The following SLC22A25 variants were observed in gnomAD, a reference collection of about 807,000 sequenced individuals.
The protein encoded by SLC22A25 is MGI:2442751, MGI:2385316, MGI:3042283, MGI:3645714, MGI:3605624, MGI:2442750.
A neutral mutation model predicts 45.9 loss-of-function variants in SLC22A25; 44 were observed. That is an observed-to-expected ratio of 0.96 (90% CI 0.75 to 1.23). The LOEUF is 1.23. Among genes scored for constraint, SLC22A25 ranks in the 50% most tolerant of loss-of-function variants. The probability of loss-of-function intolerance (pLI) is 0.00; values close to 1 mark genes in which losing one functional copy is unlikely to be tolerated. For missense variants in SLC22A25, 800 were observed against 666.4 expected (o/e 1.20, Z -2.21); for synonymous variants, 283 against 238.6 (o/e 1.19, Z -1.72).
chr11:63,226,720 T>A (rs1024240295), intron 5 of SLC22A25, among the ~76,000 whole-genome samples: 2 of 152,196 alleles, frequency 1.3e-5, no homozygotes, highest in African/African-American at 2.4e-5. Context: ...CTTGTGTCCT[T>A]CCTTTCAGGG....
chr11:63,242,511 G>T (rs1041660286), intron 1 of SLC22A25, among the ~76,000 whole-genome samples: 1 of 152,088 alleles, frequency 6.6e-6, no homozygotes, highest in Non-Finnish European at 1.5e-5. Context: ...GCCTTTTTAG[G>T]TCTGACATAA....
chr11:63,198,988 C>A (rs1424547089), intron 7 of SLC22A25, among the ~76,000 whole-genome samples: 1 of 151,940 alleles, frequency 6.6e-6, no homozygotes, highest in African/African-American at 2.4e-5. Context: ...GACATCACAA[C>A]TGAAAGAACT....
At chr11:63,194,950 T>G (rs184113198) in intron 7 of SLC22A25, among the ~76,000 whole-genome samples, 3 of 115,870 alleles carry the variant, frequency 2.6e-5, no homozygotes, top group East Asian at 2.4e-4. Flanking sequence ...GGGGTTGCAA[T>G]CCTAGTCTGT....
chr11:63,186,264 T>C (rs1287394247), intron 7 of SLC22A25, among the ~76,000 whole-genome samples: 1 of 149,142 alleles, frequency 6.7e-6, no homozygotes, highest in Non-Finnish European at 1.5e-5. Flanking sequence ...TATCTCATTG[T>C]GGTTTTGATT....
intron 7 of SLC22A25, among the ~76,000 whole-genome samples, chr11:63,208,851 C>A (rs1019229525): frequency 1.3e-5 from 2 of 152,068 alleles, no homozygotes; most frequent in African/African-American, 2.4e-5. Flanking sequence ...CAGGGGAAGG[C>A]ACGTTCCTGG....
At position 63,239,017 on chromosome 11, in the gene SLC22A25, A is replaced by T; in HGVS notation, c.-877T>A. On this transcript the variant is annotated 5_prime_UTR_variant, in exon 2 of 12. Transcript: ENST00000306494. Reference sequence around the variant, plus strand: ...GCAGTGAAATTCTCCATACAACACGAGGGCAAACTATAAAGGTGGAGATGA... The same window carrying T: ...GCAGTGAAATTCTCCATACAACACGTGGGCAAACTATAAAGGTGGAGATGA... The T allele has an allele frequency of 6.0e-6, 1 of 166,652 alleles. No homozygotes were observed. The highest frequency in any genetic ancestry group is 1.3e-5 in the Non-Finnish European group (1 of 74,530). 10.3% of individuals were successfully genotyped at this position (166,652 alleles called of 1,614,324 possible).
In SLC22A25 at chr11:63,187,105, G is replaced by A. The variant is rs561358908; in HGVS notation, c.831-3288C>T. ...AGAAAGTCATTGGTAGCTTGATGGG[G>A]ATGTCATTGAATCTATCAATTACCT... On this transcript the variant is annotated intron_variant, in intron 7 of 11. Coordinates refer to ENST00000306494, the MANE Select transcript of SLC22A25 (RefSeq NM_199352.6). Among the ~76,000 whole-genome samples the A allele has an allele frequency of 1.3e-3, 205 of 152,206 alleles. 1 individual carries two copies. Among genetic ancestry groups the A allele is most frequent in the Middle Eastern group, 3.4e-3 (1 of 294 alleles).
At chr11:63,194,890 C>CAAAAAAAAAAAAAAAAAAA (rs796301840) in intron 7 of SLC22A25, among the ~76,000 whole-genome samples, 4 of 34,656 alleles carry the variant, frequency 1.2e-4, no homozygotes, top group Non-Finnish European at 2.5e-4. Flanking sequence ...AAATGGAAAG[C>CAAAAAAAAAAAAAAAAAAA]AAAAAAAAAA....
At position 63,212,503 on chromosome 11, in the gene SLC22A25, T is replaced by G. The variant is rs185939511; in HGVS notation, c.830+4811A>C. On this transcript the variant is annotated intron_variant, in intron 7 of 11. Transcript: ENST00000306494. ...TATGCAGCCATAAAAAATTATGAGT[T>G]CATGTCCTTTGTAGGGACATGGATG... 4.4e-3 allele frequency among the ~76,000 whole-genome samples: 674 copies of G among 152,246 alleles called. 8 individuals are homozygous for G. The highest frequency in any genetic ancestry group is 0.015 in the African/African-American group (640 of 41,542).
intron 7 of SLC22A25, among the ~76,000 whole-genome samples, chr11:63,214,548 C>T (rs2089661677): frequency 6.6e-6 from 1 of 152,158 alleles, no homozygotes; most frequent in African/African-American, 2.4e-5. Flanking sequence ...ATCTCTCCTC[C>T]TTTCCCAAGC....
intron 9 of SLC22A25, among the ~76,000 whole-genome samples, chr11:63,171,130 C>T (rs1232605516): frequency 6.6e-6 from 1 of 152,074 alleles, no homozygotes; most frequent in African/African-American, 2.4e-5. Context: ...TGGTAAACTA[C>T]TCAATAAACT....
chr11:63,175,540 C>T (rs1658246005), intron 9 of SLC22A25, among the ~76,000 whole-genome samples: 1 of 151,974 alleles, frequency 6.6e-6, no homozygotes, highest in Non-Finnish European at 1.5e-5. Context: ...AAATATTTTC[C>T]CTCATTCTGA....
Position 63,217,447 on chromosome 11 carries a change from C to A in SLC22A25, c.697G>T (p.Ala233Ser), listed in dbSNP as rs1158027745. Residue 233 changes from alanine (A) to serine (S), a missense_variant, in exon 7 of 12, where the codon GCA becomes TCA. Coordinates refer to ENST00000306494, the MANE Select transcript of SLC22A25 (RefSeq NM_199352.6). ...GCAGCACAAAGTGTCAATGTCAATG[C>A]CATGGCACAGAATTGGTGAGTTATC... Reference protein sequence around the residue: ...EWITHQFCAMALTLTLCAASI... With the variant: ...EWITHQFCAMSLTLTLCAASI... 2 of 1,613,996 alleles carry A rather than the reference C, an allele frequency of 1.2e-6. No individual in the cohort carries two copies. Among genetic ancestry groups the A allele is most frequent in the Non-Finnish European group, 8.5e-7 (1 of 1,179,996 alleles).
At chr11:63,186,076 G>A (rs1173083760) in intron 7 of SLC22A25, among the ~76,000 whole-genome samples, 1 of 150,848 alleles carries the variant, frequency 6.6e-6, no homozygotes, top group Non-Finnish European at 1.5e-5. Context: ...GGATGGCTGG[G>A]TCAAATGGTA....
intron 7 of SLC22A25, among the ~76,000 whole-genome samples, chr11:63,187,679 G>T: frequency 6.6e-6 from 1 of 152,120 alleles, no homozygotes; most frequent in Non-Finnish European, 1.5e-5. Context: ...TTGGCTGTGG[G>T]TTTGTCATAG....
chr11:63,180,848 CCAACA>C, intron 8 of SLC22A25, 73 bp from the exon 9 acceptor site: 7 of 1,030,006 alleles, frequency 6.8e-6, no homozygotes, highest in Non-Finnish European at 8.9e-6. Context: ...GACTTGTCAA[CCAACA>C]GATGACAAGA....
At chr11:63,190,024 T>C (rs996827044) in intron 7 of SLC22A25, among the ~76,000 whole-genome samples, 1 of 152,200 alleles carries the variant, frequency 6.6e-6, no homozygotes, top group African/African-American at 2.4e-5. Flanking sequence ...TTATGTGTCT[T>C]GGAGTTGCTC....
Position 63,162,219 on chromosome 11 carries a change from C to A in SLC22A25, c.*1605G>T, listed in dbSNP as rs1434167504. Among the ~76,000 whole-genome samples, 1 of 152,096 alleles carries A rather than the reference C, an allele frequency of 6.6e-6. No homozygotes were observed. The highest frequency in any genetic ancestry group is 2.4e-5 in the African/African-American group (1 of 41,408). ...TATTTTCTCCCATTCTGTGGGTTGC[C>A]TCTTTACTTTGTTGAATGTATCCTT... On this transcript the variant is annotated 3_prime_UTR_variant, in exon 12 of 12. Coordinates refer to ENST00000306494, the MANE Select transcript of SLC22A25 (RefSeq NM_199352.6).
intron 3 of SLC22A25, among the ~76,000 whole-genome samples, chr11:63,231,308 A>G (rs1393006750): frequency 6.6e-6 from 1 of 152,080 alleles, no homozygotes; most frequent in African/African-American, 2.4e-5. Flanking sequence ...CCTCTCCAGC[A>G]CCTGTTGTTT....
Sources: allele counts gnomAD v4.1 joint callset (sites outside exome capture counted in the v4.1 genomes callset), GRCh38; gene constraint gnomAD v4.1.1; transcripts MANE v1.5; gene names NCBI Gene and HGNC (gene_info 2026-07-23, HGNC 2026-07-21).